ARMH3: variants seen among roughly 807,000 people sequenced by gnomAD.
The protein encoded by ARMH3 is armadillo like helical domain containing 3, also known as armadillo-like helical domain-containing protein 3.
ARMH3 carries 60 observed loss-of-function variants against 99.1 expected under a neutral mutation model. The observed-to-expected ratio is 0.61, with a 90% CI of 0.49 to 0.75. ARMH3 has a LOEUF of 0.75. Among genes scored for constraint, ARMH3 ranks in the 30% least tolerant of loss-of-function variants. The pLI, the probability that ARMH3 is intolerant of heterozygous loss-of-function variation, is 0.00. For missense variants in ARMH3, 679 were observed against 843.1 expected (o/e 0.81, Z 2.41); for synonymous variants, 285 against 292.8 (o/e 0.97, Z 0.27).
chr10:101,997,782 A>G (rs1847129569), intron 15 of ARMH3, among the ~76,000 whole-genome samples: 1 of 152,082 alleles, frequency 6.6e-6, no homozygotes, highest in Admixed American at 6.6e-5. Context: ...CTTATTATAC[A>G]TATCTATTAA....
chr10:101,869,721 C>T (rs796295220), intron 24 of ARMH3, among the ~76,000 whole-genome samples: 51 of 152,108 alleles, frequency 3.4e-4, no homozygotes, highest in African/African-American at 1.2e-3. Flanking sequence ...ATACAGATAA[C>T]CATATAAATC....
chr10:101,935,408 T>C (rs181261049), intron 23 of ARMH3, among the ~76,000 whole-genome samples: 15 of 152,038 alleles, frequency 9.9e-5, no homozygotes, highest in Non-Finnish European at 1.3e-4. Context: ...GAAAGACAAG[T>C]GAAAAGCAAA....
chr10:102,053,512 G>A (rs1283514052), intron 1 of ARMH3, among the ~76,000 whole-genome samples: 2 of 151,958 alleles, frequency 1.3e-5, no homozygotes, highest in Admixed American at 1.3e-4. Flanking sequence ...TAGGATTACA[G>A]GTATAAGCCA....
At chr10:101,933,466 G>A (rs1375069740) in intron 23 of ARMH3, among the ~76,000 whole-genome samples, 1 of 152,168 alleles carries the variant, frequency 6.6e-6, no homozygotes, top group East Asian at 1.9e-4. Context: ...ACTTCATTTT[G>A]CAGCATAAAC....
chr10:102,022,447 G>A (rs567108413), intron 8 of ARMH3, among the ~76,000 whole-genome samples: 22 of 131,648 alleles, frequency 1.7e-4, no homozygotes, highest in Non-Finnish European at 2.6e-4. Flanking sequence ...AGCCAAGATC[G>A]CACCACTGCA....
intron 20 of ARMH3, among the ~76,000 whole-genome samples, chr10:101,974,684 G>A (rs1845912213): frequency 6.6e-6 from 1 of 152,108 alleles, no homozygotes; most frequent in South Asian, 2.1e-4. Flanking sequence ...TCTGGCACAG[G>A]GGGAGTGGTA....
intron 1 of ARMH3, among the ~76,000 whole-genome samples, chr10:102,046,543 TC>T (rs1225526225): frequency 6.6e-6 from 1 of 152,030 alleles, no homozygotes; most frequent in Non-Finnish European, 1.5e-5. Flanking sequence ...TCTCAGCTAC[TC>T]GAGAGGCTGA....
intron 22 of ARMH3, among the ~76,000 whole-genome samples, chr10:101,953,368 T>G (rs1844882923): frequency 6.6e-6 from 1 of 152,162 alleles, no homozygotes; most frequent in Non-Finnish European, 1.5e-5. Context: ...TCAAGTGATC[T>G]GCCTACTTTG....
At chr10:101,849,967 A>C (rs1293239203) in intron 24 of ARMH3, 75 bp from the exon 25 acceptor site, 7 of 1,376,314 alleles carry the variant, frequency 5.1e-6, no homozygotes, top group African/African-American at 1.4e-5. Context: ...CTGCTGATCT[A>C]CTGGGTTGGG....
intron 1 of ARMH3, among the ~76,000 whole-genome samples, chr10:102,046,264 GAA>G (rs1207436310): frequency 1.4e-5 from 2 of 142,370 alleles, no homozygotes; most frequent in African/African-American, 5.2e-5. Context: ...AAGAAAGAGA[GAA>G]AAAGAGAGAA....
intron 16 of ARMH3, among the ~76,000 whole-genome samples, chr10:101,994,675 C>T (rs958530387): frequency 3.3e-5 from 5 of 152,264 alleles, no homozygotes; most frequent in East Asian, 1.9e-4. Flanking sequence ...TTTCCAATTC[C>T]CCTCTCTGGC....
In ARMH3 at chr10:101,966,297, T is replaced by G. The variant is rs1208992265; in HGVS notation, c.1496-8565A>C. On this transcript the variant is annotated intron_variant, in intron 20 of 25. Transcript: ENST00000370033. Reference sequence around the variant, plus strand: ...ATTTTTGGTTTGGGTTTTTTTTTTTTTTTTTTTTTTTTTTTTTGAGACAGG... The same window carrying G: ...ATTTTTGGTTTGGGTTTTTTTTTTTGTTTTTTTTTTTTTTTTTGAGACAGG... 5.0e-4 allele frequency among the ~76,000 whole-genome samples: 67 copies of G among 133,582 alleles called. 3 individuals carry two copies. Among genetic ancestry groups the G allele is most frequent in the Non-Finnish European group, 8.4e-4 (52 of 62,150 alleles). 87.6% of individuals were successfully genotyped at this position (133,582 alleles called of 152,430 possible). A position where few individuals can be genotyped will look rare whatever the true frequency, so the allele number is the denominator to read the frequency against.
intron 23 of ARMH3, among the ~76,000 whole-genome samples, chr10:101,931,249 G>A (rs553589465): frequency 9.8e-5 from 15 of 152,310 alleles, no homozygotes; most frequent in Non-Finnish European, 1.0e-4. Context: ...AGTGGGGGCC[G>A]GGTGCGATGG....
intron 15 of ARMH3, among the ~76,000 whole-genome samples, chr10:101,996,274 C>G (rs1223732618): frequency 6.6e-6 from 1 of 152,226 alleles, no homozygotes; most frequent in Non-Finnish European, 1.5e-5. Context: ...GAAGTCCAAT[C>G]TAGAGAGAAG....
At chr10:101,861,095 G>C (rs892729931) in intron 24 of ARMH3, among the ~76,000 whole-genome samples, 2 of 152,122 alleles carry the variant, frequency 1.3e-5, no homozygotes, top group Admixed American at 1.3e-4. Flanking sequence ...GACATTTAAA[G>C]AGCTATTATT....
chr10:101,907,151 G>A (rs903603491), intron 23 of ARMH3, among the ~76,000 whole-genome samples: 13 of 152,108 alleles, frequency 8.5e-5, no homozygotes, highest in Non-Finnish European at 7.4e-5. Context: ...TTTGACAAAG[G>A]TAACAAGCTT....
intron 24 of ARMH3, among the ~76,000 whole-genome samples, chr10:101,860,015 G>A (rs2066825321): frequency 6.6e-6 from 1 of 152,146 alleles, no homozygotes; most frequent in African/African-American, 2.4e-5. Flanking sequence ...TATGAAGGTT[G>A]AGCCTTTGTA....
At chr10:101,859,675 C>T (rs947809035) in intron 24 of ARMH3, among the ~76,000 whole-genome samples, 2 of 152,220 alleles carry the variant, frequency 1.3e-5, no homozygotes, top group Non-Finnish European at 2.9e-5. Context: ...TATTAGATAA[C>T]TGTCCAAAAC....
intron 24 of ARMH3, among the ~76,000 whole-genome samples, chr10:101,872,544 A>C (rs1334179430): frequency 6.6e-6 from 1 of 152,160 alleles, no homozygotes; most frequent in Non-Finnish European, 1.5e-5. Flanking sequence ...TAAAAATACA[A>C]AAATCAGCTG....
Sources: allele counts gnomAD v4.1 joint callset (sites outside exome capture counted in the v4.1 genomes callset), GRCh38; gene constraint gnomAD v4.1.1; transcripts MANE v1.5; gene names NCBI Gene and HGNC (gene_info 2026-07-23, HGNC 2026-07-21).